The following ACO2 variants were observed in gnomAD, a reference collection of about 807,000 sequenced individuals.
ACO2 encodes the protein aconitate hydratase, mitochondrial.
ACO2 carries 31 observed loss-of-function variants against 84.5 expected under a neutral mutation model. The ratio of observed to expected loss-of-function variants is 0.37; its 90% CI spans 0.28 to 0.50. The LOEUF (loss-of-function observed/expected upper bound fraction) is 0.50. Ranked by LOEUF, ACO2 falls within the 20% of genes least tolerant of loss-of-function variation. The pLI is 0.97. For missense variants in ACO2, 685 were observed against 1,029.3 expected (o/e 0.67, Z 4.58); for synonymous variants, 414 against 412.7 (o/e 1.00, Z -0.04).
At chr22:41,495,366 C>T (rs1048973524) in intron 1 of ACO2, among the ~76,000 whole-genome samples, 4 of 152,008 alleles carry the variant, frequency 2.6e-5, no homozygotes, top group Middle Eastern at 3.4e-3. Flanking sequence ...CTATGTTGGC[C>T]GGGTTGGTCT....
chr22:41,518,645 C>A, intron 8 of ACO2, 73 bp downstream of exon 8: 1 of 1,191,464 alleles, frequency 8.4e-7, no homozygotes, highest in Non-Finnish European at 1.2e-6. Flanking sequence ...TGCCTAAATA[C>A]TCACTGAGGG....
intron 1 of ACO2, among the ~76,000 whole-genome samples, chr22:41,470,289 C>A (rs576012340): frequency 6.6e-6 from 1 of 152,242 alleles, no homozygotes; most frequent in Admixed American, 6.5e-5. Context: ...GATCAAGTGG[C>A]GCAACTTTGA....
chr22:41,485,648 TTAG>T (rs2038145246), intron 1 of ACO2, among the ~76,000 whole-genome samples: 1 of 151,886 alleles, frequency 6.6e-6, no homozygotes, highest in African/African-American at 2.4e-5. Flanking sequence ...TTTCACTGTG[TTAG>T]CCAGGATGGT....
At chr22:41,526,121 A>C in intron 14 of ACO2, 141 bp from the exon 15 acceptor site, 1 of 681,398 alleles carries the variant, frequency 1.5e-6, no homozygotes, top group Non-Finnish European at 2.5e-6. Context: ...ACCACAGAAC[A>C]CGTGTCTGAA....
chr22:41,508,833 C>T (rs751907886), intron 3 of ACO2, among the ~76,000 whole-genome samples: 8 of 152,324 alleles, frequency 5.3e-5, no homozygotes, highest in Non-Finnish European at 7.4e-5. Context: ...GTCCCCCTCA[C>T]GGGGAGGGGC....
chr22:41,475,854 C>T (rs1034889635), intron 1 of ACO2, among the ~76,000 whole-genome samples: 5 of 149,590 alleles, frequency 3.3e-5, no homozygotes, highest in African/African-American at 1.2e-4. Flanking sequence ...GCCGAGATCG[C>T]GCCACTGCAC....
At chr22:41,486,015 C>T (rs191634893) in intron 1 of ACO2, among the ~76,000 whole-genome samples, 7 of 152,244 alleles carry the variant, frequency 4.6e-5, no homozygotes, top group Non-Finnish European at 5.9e-5. Flanking sequence ...TTGCCCTCTG[C>T]GACCCTGCTC....
At chr22:41,476,075 A>G (rs1292606021) in intron 1 of ACO2, among the ~76,000 whole-genome samples, 1 of 152,034 alleles carries the variant, frequency 6.6e-6, no homozygotes, top group Admixed American at 6.6e-5. Flanking sequence ...CTGAAGGCCT[A>G]ATATTTGAAA....
At chr22:41,481,519 C>T (rs989049599) in intron 1 of ACO2, among the ~76,000 whole-genome samples, 4 of 152,232 alleles carry the variant, frequency 2.6e-5, no homozygotes, top group Admixed American at 2.6e-4. Context: ...CAGTCCGTTT[C>T]GATTGTAGTA....
intron 1 of ACO2, among the ~76,000 whole-genome samples, chr22:41,480,531 G>A (rs111997470): frequency 2.6e-5 from 4 of 152,210 alleles, no homozygotes; most frequent in Admixed American, 6.5e-5. Flanking sequence ...ACATCTGCCC[G>A]TAATCCTCTC....
intron 1 of ACO2, among the ~76,000 whole-genome samples, chr22:41,487,837 C>T (rs2066241477): frequency 1.3e-5 from 2 of 152,092 alleles, no homozygotes; most frequent in South Asian, 4.1e-4. Context: ...CTGCTCTTCC[C>T]GTTGCCTTCC....
At chr22:41,526,875 C>A in intron 15 of ACO2, 1 of 310,882 alleles carries the variant, frequency 3.2e-6, no homozygotes, top group Non-Finnish European at 6.0e-6. Context: ...CTGGCCCAGC[C>A]GGGTGAAAGG....
chr22:41,472,648 G>A (rs778365013), intron 1 of ACO2, among the ~76,000 whole-genome samples: 5 of 152,024 alleles, frequency 3.3e-5, no homozygotes, highest in African/African-American at 4.8e-5. Flanking sequence ...TGGGGGTCTC[G>A]CTATGTTGCC....
intron 11 of ACO2, 111 bp downstream of exon 11, chr22:41,523,389 T>C: frequency 1.2e-6 from 1 of 816,812 alleles, no homozygotes; most frequent in East Asian, 2.6e-5. Flanking sequence ...CCAAGGTCTC[T>C]AGCTCCAGGG....
chr22:41,520,165 C>G lies in ACO2; in HGVS notation c.1033-6C>G, dbSNP rs1195721219. ...CTTTCTTCTCCTTGCATGTTTGTTT[C>G]TTCAGCTGAAGCCACACATCAATGG... On this transcript the variant is annotated splice_polypyrimidine_tract_variant and splice_region_variant and intron_variant, in intron 8 of 17. Transcript: ENST00000216254. 1 of 1,610,278 alleles carries G rather than the reference C, an allele frequency of 6.2e-7. No homozygotes were observed. The highest frequency in any genetic ancestry group is 8.5e-7 in the Non-Finnish European group (1 of 1,177,112).
At chr22:41,470,119 T>C (rs2037926134) in intron 1 of ACO2, among the ~76,000 whole-genome samples, 1 of 152,234 alleles carries the variant, frequency 6.6e-6, no homozygotes, top group East Asian at 1.9e-4. Context: ...GAAAGCTGAC[T>C]GACTGCCAGA....
At chr22:41,485,157 C>A (rs987500350) in intron 1 of ACO2, among the ~76,000 whole-genome samples, 20 of 151,906 alleles carry the variant, frequency 1.3e-4, no homozygotes, top group African/African-American at 4.6e-4. Flanking sequence ...GATCCGTGAG[C>A]CACTGCTCCT....
At chr22:41,477,400 C>A (rs991776177) in intron 1 of ACO2, among the ~76,000 whole-genome samples, 1 of 151,600 alleles carries the variant, frequency 6.6e-6, no homozygotes, top group Non-Finnish European at 1.5e-5. Context: ...ACCTTGTGAT[C>A]CACCTGCCTC....
chr22:41,505,922 A>C (rs2066389675), intron 2 of ACO2, among the ~76,000 whole-genome samples: 1 of 152,150 alleles, frequency 6.6e-6, no homozygotes, highest in South Asian at 2.1e-4. Context: ...CCTCTGTTTA[A>C]AGCTGTTTAA....
Sources: gnomAD v4.1 joint callset for allele counts (sites outside exome capture counted in the v4.1 genomes callset) on GRCh38, gnomAD v4.1.1 for gene constraint, MANE v1.5 for transcripts, NCBI Gene and HGNC (gene_info 2026-07-23, HGNC 2026-07-21) for gene names.